ARHGEF12: variants seen among roughly 807,000 people sequenced by gnomAD.
The protein encoded by ARHGEF12 is Rho guanine nucleotide exchange factor 12.
A neutral mutation model predicts 211.2 loss-of-function variants in ARHGEF12; 66 were observed. That is an observed-to-expected ratio of 0.31 (90% CI 0.26 to 0.38). The LOEUF is 0.38. Among genes scored for constraint, ARHGEF12 ranks in the 10% least tolerant of loss-of-function variants. The pLI is 1.00. For synonymous variants in ARHGEF12, 592 were observed against 638.4 expected, an observed-to-expected ratio of 0.93 and a Z score of 1.09; for missense variants, 1,429 against 1,869.5, an observed-to-expected ratio of 0.76 and a Z score of 4.34.
At position 120,477,081 on chromosome 11, in the gene ARHGEF12, TTTGTTGTTGTTGTTGTTGTTG is replaced by T. The variant is rs146792075; in HGVS notation, c.3366-119_3366-99del. The T allele has an allele frequency of 1.6e-3, 1,085 of 662,122 alleles. 3 individuals carry two copies. Among genetic ancestry groups the T allele is most frequent in the Non-Finnish European group, 2.5e-3 (982 of 387,720 alleles). The allele number at this position is 662,122 out of a possible 1,614,324, so 41.0% of individuals were successfully genotyped here. On this transcript the variant is annotated intron_variant, in intron 34 of 40. Coordinates refer to ENST00000397843, the MANE Select transcript of ARHGEF12 (RefSeq NM_015313.3). ...AAAGATATTCTCTGGCAGAGTGGGT[TTTGTTGTTGTTGTTGTTGTTG>T]TTGTTGTTGTTGTTGTTGGTTGATT... is the stretch of plus-strand genomic sequence containing the variant.
chr11:120,415,374 A>C (rs902406258), intron 4 of ARHGEF12, among the ~76,000 whole-genome samples: 1 of 152,222 alleles, frequency 6.6e-6, no homozygotes, highest in African/African-American at 2.4e-5. Context: ...AACTCCAAGT[A>C]GTCTTGGGTT....
intron 1 of ARHGEF12, among the ~76,000 whole-genome samples, chr11:120,347,039 C>T (rs889919922): frequency 2.0e-5 from 3 of 151,972 alleles, no homozygotes; most frequent in African/African-American, 4.8e-5. Context: ...AATTTGACAG[C>T]CTGAACTTGT....
At chr11:120,374,515 A>G (rs1287083972) in intron 1 of ARHGEF12, among the ~76,000 whole-genome samples, 5 of 152,128 alleles carry the variant, frequency 3.3e-5, no homozygotes, top group African/African-American at 9.7e-5. Flanking sequence ...TCTCCAGCTG[A>G]TTTTTCTTCT....
chr11:120,364,273 C>G (rs772173769), intron 1 of ARHGEF12, among the ~76,000 whole-genome samples: 1 of 152,070 alleles, frequency 6.6e-6, no homozygotes, highest in African/African-American at 2.4e-5. Context: ...GTGCTGGGAG[C>G]TTCATCTTTC....
intron 1 of ARHGEF12, among the ~76,000 whole-genome samples, chr11:120,382,927 C>T (rs1943917909): frequency 6.6e-6 from 1 of 152,142 alleles, no homozygotes; most frequent in African/African-American, 2.4e-5. Flanking sequence ...ATCACGAGGT[C>T]AGGAGATTGA....
chr11:120,480,428 C>A lies in ARHGEF12; in HGVS notation c.4235C>A (p.Ser1412Ter). The A allele has an allele frequency of 6.2e-7, 1 of 1,604,330 alleles. No individual in the cohort carries two copies. Among genetic ancestry groups the A allele is most frequent in the South Asian group, 1.1e-5 (1 of 89,668 alleles). Reference protein sequence around the residue: ...KEEKDVNLRISGNYLILDGYD... With the variant: ...KEEKDVNLRI ...GAGAAGGATGTTAATTTACGCATCT[C>A]AGGCAAGTATCTTTCACACTTAAAC... Residue 1412 changes from serine (S) to a stop codon, truncating the protein, a stop_gained and splice_region_variant, in exon 38 of 41, where the codon TCA (serine) becomes TAA (stop). Transcript: ENST00000397843. LOFTEE classifies it high-confidence loss of function.
intron 1 of ARHGEF12, among the ~76,000 whole-genome samples, chr11:120,382,864 G>C (rs967180652): frequency 6.6e-6 from 1 of 152,210 alleles, no homozygotes; most frequent in African/African-American, 2.4e-5. Context: ...AAGGGGGCCG[G>C]GCGAGGCGGT....
intron 1 of ARHGEF12, among the ~76,000 whole-genome samples, chr11:120,345,180 G>C (rs993486883): frequency 6.6e-6 from 1 of 152,318 alleles, no homozygotes. Context: ...AAAACGGAAA[G>C]AGGGATGAGG....
At chr11:120,470,774 C>A (rs1946844257) in intron 30 of ARHGEF12, among the ~76,000 whole-genome samples, 1 of 152,148 alleles carries the variant, frequency 6.6e-6, no homozygotes, top group Non-Finnish European at 1.5e-5. Flanking sequence ...CTTATATCTA[C>A]CTTTTGACTC....
rs765720652 is a variant in ARHGEF12 at position 120,437,382 on chromosome 11, TGTGA to T, written c.999+3_999+6del. The T allele has an allele frequency of 6.2e-7, 1 of 1,610,628 alleles. No homozygotes were observed. The highest frequency in any genetic ancestry group is 8.5e-7 in the Non-Finnish European group (1 of 1,177,828). On this transcript the variant is annotated splice_donor_variant and splice_donor_region_variant and intron_variant, in intron 12 of 40. Coordinates refer to ENST00000397843, the MANE Select transcript of ARHGEF12 (RefSeq NM_015313.3). LOFTEE classifies it high-confidence loss of function. ...AGAAAAGTGAAACAATTCAGGACACTGTGAGTATGAAATCCATGCAATGATAGTG... is the reference window on the plus strand; with the variant it reads ...AGAAAAGTGAAACAATTCAGGACACTGTATGAAATCCATGCAATGATAGTG...
chr11:120,445,692 A>G (rs1946022638), intron 16 of ARHGEF12, among the ~76,000 whole-genome samples: 1 of 151,990 alleles, frequency 6.6e-6, no homozygotes. Context: ...TGAGGTCAAG[A>G]GTTCGAGACC....
At chr11:120,389,478 T>C (rs558705225) in intron 1 of ARHGEF12, among the ~76,000 whole-genome samples, 44 of 152,300 alleles carry the variant, frequency 2.9e-4, no homozygotes, top group African/African-American at 1.0e-3. Context: ...TTAATTTTTG[T>C]GGGTACCTAG....
In ARHGEF12 at chr11:120,457,340, T is replaced by C. The variant is rs890081349; in HGVS notation, c.2189+90T>C. On this transcript the variant is annotated intron_variant, in intron 23 of 40. Transcript: ENST00000397843. ...CCTATACTTAGTAGCATTCTAGCACTGAAGCCTGGCATGGTGGTATGTACC... is the reference window on the plus strand; with the variant it reads ...CCTATACTTAGTAGCATTCTAGCACCGAAGCCTGGCATGGTGGTATGTACC... 3 of 1,456,696 alleles carry C rather than the reference T, an allele frequency of 2.1e-6. No homozygotes were observed. The African/African-American group carries it at 4.3e-5, about 21-fold the overall frequency. The allele number at this position is 1,456,696 out of a possible 1,614,324, so 90.2% of individuals were successfully genotyped here. A position where few individuals can be genotyped will look rare whatever the true frequency, so the allele number is the denominator to read the frequency against.
chr11:120,414,639 C>T (rs1363097136), intron 4 of ARHGEF12, among the ~76,000 whole-genome samples: 1 of 152,114 alleles, frequency 6.6e-6, no homozygotes, highest in East Asian at 1.9e-4. Flanking sequence ...TTTACCATTA[C>T]TCTATATGCA....
At chr11:120,372,394 ATG>A (rs1943614100) in intron 1 of ARHGEF12, among the ~76,000 whole-genome samples, 1 of 152,100 alleles carries the variant, frequency 6.6e-6, no homozygotes, top group African/African-American at 2.4e-5. Context: ...GCTTGAAATT[ATG>A]TAATGCCTCT....
chr11:120,452,189 T>C (rs1946233228), intron 22 of ARHGEF12, among the ~76,000 whole-genome samples: 1 of 152,090 alleles, frequency 6.6e-6, no homozygotes, highest in Non-Finnish European at 1.5e-5. Flanking sequence ...GGAAGCCAGC[T>C]GAAAGAAAGG....
At chr11:120,390,863 C>T (rs928722506) in intron 1 of ARHGEF12, among the ~76,000 whole-genome samples, 3 of 152,082 alleles carry the variant, frequency 2.0e-5, no homozygotes, top group African/African-American at 7.2e-5. Flanking sequence ...CTTCTCAGAA[C>T]CTCACATTTC....
Position 120,466,797 on chromosome 11 carries a change from T to G in ARHGEF12, c.2740-397T>G, listed in dbSNP as rs539690128. On this transcript the variant is annotated intron_variant, in intron 28 of 40. Coordinates refer to ENST00000397843, the MANE Select transcript of ARHGEF12 (RefSeq NM_015313.3). Reference sequence around the variant, plus strand: ...TAGATGAGCTGGCATACTCGACTGGTTATCCATTGTGCATACTTGGAATGG... The same window carrying G: ...TAGATGAGCTGGCATACTCGACTGGGTATCCATTGTGCATACTTGGAATGG... Among the ~76,000 whole-genome samples, 6 of 152,340 alleles carry G rather than the reference T, an allele frequency of 3.9e-5. No homozygotes were observed. In the East Asian group the frequency reaches 1.2e-3, roughly 29 times the overall value.
At chr11:120,441,896 C>A (rs1049178629) in intron 14 of ARHGEF12, 79 bp downstream of exon 14, 2 of 1,264,212 alleles carry the variant, frequency 1.6e-6, no homozygotes, top group Middle Eastern at 1.9e-4. Flanking sequence ...AGCTATACAA[C>A]GAGTGGGCAG....
Sources: allele counts gnomAD v4.1 joint callset (sites outside exome capture counted in the v4.1 genomes callset), GRCh38; gene constraint gnomAD v4.1.1; transcripts MANE v1.5; gene names NCBI Gene and HGNC (gene_info 2026-07-23, HGNC 2026-07-21).